PDCD4: variants seen among roughly 807,000 people sequenced by gnomAD.
PDCD4 encodes the protein programmed cell death 4, also known as programmed cell death protein 4.
A neutral mutation model predicts 54.0 loss-of-function variants in PDCD4; 56 were observed. The ratio of observed to expected loss-of-function variants is 1.04; its 90% CI spans 0.84 to 1.30. The LOEUF is 1.30. Ranked by LOEUF, PDCD4 falls within the 50% of genes most tolerant of loss-of-function variation. The pLI is 0.00. For missense variants in PDCD4, 584 were observed against 559.8 expected, an observed-to-expected ratio of 1.04 and a Z score of -0.44; for synonymous variants, 186 against 194.8, an observed-to-expected ratio of 0.95 and a Z score of 0.37.
chr10:110,876,950 A>G (rs538986529), intron 2 of PDCD4, among the ~76,000 whole-genome samples: 2 of 152,316 alleles, frequency 1.3e-5, no homozygotes, highest in South Asian at 2.1e-4. Flanking sequence ...ACTAAATACT[A>G]CATCTTTCTT....
At chr10:110,890,827 A>G (rs1303803695) in intron 8 of PDCD4, 157 bp downstream of exon 8, 3 of 424,262 alleles carry the variant, frequency 7.1e-6, no homozygotes, top group Admixed American at 8.3e-5. Context: ...TGGCTTTATA[A>G]CCTTTTATTA....
Position 110,898,157 on chromosome 10 carries a change from A to AT in PDCD4, c.*69_*70insT. On this transcript the variant is annotated 3_prime_UTR_variant, in exon 12 of 12. Coordinates refer to ENST00000280154, the MANE Select transcript of PDCD4 (RefSeq NM_014456.5). ...CTGAATTGTAAGAGTTGTTAGCACA[A>AT]GTTTTTTTTTTTTTTTTTTTTAAGC... 79 of 672,804 alleles carry AT rather than the reference A, an allele frequency of 1.2e-4. No individual in the cohort carries two copies. Among genetic ancestry groups the AT allele is most frequent in the Non-Finnish European group, 1.4e-4 (69 of 482,454 alleles). The allele number at this position is 672,804 out of a possible 1,614,324, so 41.7% of individuals were successfully genotyped here.
chr10:110,873,692 AT>A (rs1280575599), intron 1 of PDCD4, among the ~76,000 whole-genome samples: 2 of 152,220 alleles, frequency 1.3e-5, no homozygotes, highest in African/African-American at 4.8e-5. Flanking sequence ...TGTTAAATAA[AT>A]TGGAAAAAAT....
At chr10:110,881,572 C>A (rs1329570545) in intron 3 of PDCD4, 37 bp downstream of exon 3, 18 of 1,543,132 alleles carry the variant, frequency 1.2e-5, no homozygotes, top group Admixed American at 1.0e-4. Context: ...GGAAGATAAA[C>A]AAGTGGAAAA....
At chr10:110,890,906 T>C (rs887814477) in intron 8 of PDCD4, 5 of 328,602 alleles carry the variant, frequency 1.5e-5, no homozygotes, top group East Asian at 1.5e-4. Context: ...AAGCCATCTA[T>C]GAACTTCAAA....
Position 110,896,067 on chromosome 10 carries a change from C to G in PDCD4, c.1329C>G (p.Leu443=), listed in dbSNP as rs777158679. The part of the protein sequence containing the change: ...CFQAGIISKQ[L]RDLCPSRGRK... ...AGGCTGGAATAATTTCCAAACAACTCAGAGATCTTTGTCCTTCAAGGTACT... is the reference window on the plus strand; with the variant it reads ...AGGCTGGAATAATTTCCAAACAACTGAGAGATCTTTGTCCTTCAAGGTACT... Residue 443 remains leucine, a synonymous_variant, in exon 11 of 12, where the codon CTC becomes CTG. Coordinates refer to ENST00000280154, the MANE Select transcript of PDCD4 (RefSeq NM_014456.5). 1 of 1,609,044 alleles carries G rather than the reference C, an allele frequency of 6.2e-7. No homozygotes were observed. The highest frequency in any genetic ancestry group is 2.2e-5 in the East Asian group (1 of 44,690).
Position 110,894,142 on chromosome 10 carries a change from G to T in PDCD4, c.1042G>T (p.Glu348Ter). 1 of 1,610,096 alleles carries T rather than the reference G, an allele frequency of 6.2e-7. No individual in the cohort carries two copies. Among genetic ancestry groups the T allele is most frequent in the South Asian group, 1.1e-5 (1 of 90,986 alleles). ...YLLSGDISEAEHCLKELEVPH... is the reference protein window; with the variant it reads ...YLLSGDISEA The stretch of plus-strand genomic sequence containing the variant: ...ACTCTCTGGAGACATATCTGAAGCT[G>T]AACATTGCCTTAAGGAACTGGAAGT... The change falls in exon 9 of 12, where the codon GAA becomes TAA. Residue 348 changes from glutamate (E) to a stop codon, truncating the protein, a stop_gained. Transcript: ENST00000280154. LOFTEE classifies it high-confidence loss of function.
chr10:110,899,101 A>G lies in PDCD4; in HGVS notation c.*1013A>G, dbSNP rs894701212. ...CCAAAGCTTGACATTTACCTAATGT[A>G]TGAGAAAATATTACCAATTAACAAT... On this transcript the variant is annotated 3_prime_UTR_variant, in exon 12 of 12. Coordinates refer to ENST00000280154, the MANE Select transcript of PDCD4 (RefSeq NM_014456.5). 1.3e-5 allele frequency: 2 copies of G among 152,230 alleles called. No homozygotes were observed. The highest frequency in any genetic ancestry group is 4.8e-5 in the African/African-American group (2 of 41,468). The allele number at this position is 152,230 out of a possible 1,614,324, so 9.4% of individuals were successfully genotyped here. A position where few individuals can be genotyped will look rare whatever the true frequency, so the allele number is the denominator to read the frequency against.
At chr10:110,895,261 TTA>T (rs1286888748) in intron 10 of PDCD4, among the ~76,000 whole-genome samples, 2 of 152,078 alleles carry the variant, frequency 1.3e-5, no homozygotes, top group African/African-American at 4.8e-5. Flanking sequence ...TTCCCAATGT[TTA>T]TTGTTCCCAT....
At chr10:110,887,524 A>G (rs1845686284) in intron 5 of PDCD4, 141 bp from the exon 6 acceptor site, 2 of 603,048 alleles carry the variant, frequency 3.3e-6, no homozygotes, top group Non-Finnish European at 5.8e-6. Flanking sequence ...CTTCTAAAAC[A>G]TGACTGGGTC....
chr10:110,887,974 A>G (rs1297853145), intron 6 of PDCD4, 88 bp downstream of exon 6: 1 of 806,446 alleles, frequency 1.2e-6, no homozygotes, highest in Non-Finnish European at 2.0e-6. Context: ...AAATTTTAGT[A>G]GATGGAAGGG....
chr10:110,876,377 A>G (rs1845505439), intron 2 of PDCD4, among the ~76,000 whole-genome samples: 1 of 152,260 alleles, frequency 6.6e-6, no homozygotes, highest in South Asian at 2.1e-4. Context: ...AAAACATGAT[A>G]GAAAAACTAT....
chr10:110,899,858 A>G lies in PDCD4; in HGVS notation c.*1770A>G, dbSNP rs1845942577. 6.6e-6 allele frequency: 1 copy of G among 152,500 alleles called. No homozygotes were observed. The allele number at this position is 152,500 out of a possible 1,614,324, so 9.4% of individuals were successfully genotyped here. ...CATTACTGGTGGGATCTGGTCACAC[A>G]AGATAGCATTAAACGTGACATGGCA... On this transcript the variant is annotated 3_prime_UTR_variant, in exon 12 of 12. Transcript: ENST00000280154.
rs1307252929 is a variant in PDCD4 at position 110,881,516 on chromosome 10, A to G, written c.327A>G (p.Gly109=). 6.2e-7 allele frequency: 1 copy of G among 1,611,610 alleles called. No individual in the cohort carries two copies. The highest frequency in any genetic ancestry group is 1.1e-5 in the South Asian group (1 of 91,012). ...ATAGGCGATCCAGATCTGGGAAAGGAAGGGGACTACCAAAGAAAGGTTGGT... is the reference window on the plus strand; with the variant it reads ...ATAGGCGATCCAGATCTGGGAAAGGGAGGGGACTACCAAAGAAAGGTTGGT... ...LLDRRSRSGK[G]RGLPKKGGAG... Residue 109 remains glycine, a synonymous_variant, in exon 3 of 12, where the codon GGA becomes GGG. Coordinates refer to ENST00000280154, the MANE Select transcript of PDCD4 (RefSeq NM_014456.5).
chr10:110,872,366 C>G (rs1386223181), intron 1 of PDCD4: 1 of 152,328 alleles, frequency 6.6e-6, no homozygotes, highest in Non-Finnish European at 1.5e-5. Context: ...CCCTCCTCCC[C>G]CTCTGGCGGA....
intron 1 of PDCD4, among the ~76,000 whole-genome samples, chr10:110,873,518 G>C (rs563217759): frequency 6.6e-6 from 1 of 152,168 alleles, no homozygotes; most frequent in African/African-American, 2.4e-5. Flanking sequence ...TGTATATTTC[G>C]TGTAACACAC....
intron 2 of PDCD4, among the ~76,000 whole-genome samples, chr10:110,876,496 G>C (rs2135189027): frequency 6.6e-6 from 1 of 152,058 alleles, no homozygotes; most frequent in African/African-American, 2.4e-5. Flanking sequence ...CTATTTTTCT[G>C]CCTATCCTTT....
intron 6 of PDCD4, among the ~76,000 whole-genome samples, chr10:110,888,804 A>T (rs1475599705): frequency 1.3e-5 from 2 of 152,126 alleles, no homozygotes; most frequent in Non-Finnish European, 2.9e-5. Flanking sequence ...TTTGGACACC[A>T]ATTTCCAGTT....
Position 110,899,266 on chromosome 10 carries a change from A to C in PDCD4, c.*1178A>C, listed in dbSNP as rs1373154558. The C allele has an allele frequency of 6.6e-6, 1 of 152,234 alleles. No individual in the cohort carries two copies. The highest frequency in any genetic ancestry group is 1.5e-5 in the Non-Finnish European group (1 of 68,044). 9.4% of individuals were successfully genotyped at this position (152,234 alleles called of 1,614,324 possible). A position where few individuals can be genotyped will look rare whatever the true frequency, so the allele number is the denominator to read the frequency against. On this transcript the variant is annotated 3_prime_UTR_variant, in exon 12 of 12. Coordinates refer to ENST00000280154, the MANE Select transcript of PDCD4 (RefSeq NM_014456.5). ...CAGAATTTATGAGGGTACTGTTAGG[A>C]GTATACTGCTTACAGGTTTAGATAT...
Sources: gnomAD v4.1 joint callset for allele counts (sites outside exome capture counted in the v4.1 genomes callset) on GRCh38, gnomAD v4.1.1 for gene constraint, MANE v1.5 for transcripts, NCBI Gene and HGNC (gene_info 2026-07-23, HGNC 2026-07-21) for gene names.